Variants in DAB2IP observed in about 807,000 individuals in gnomAD.
DAB2IP encodes the protein disabled homolog 2-interacting protein.
A neutral mutation model predicts 107.2 loss-of-function variants in DAB2IP; 28 were observed. That is an observed-to-expected ratio of 0.26 (90% CI 0.19 to 0.36). The LOEUF is 0.36. DAB2IP is among the 10% of genes least tolerant of loss of function. DAB2IP has a pLI of 1.00. For missense variants in DAB2IP, 1,400 were observed against 1,644.7 expected, an observed-to-expected ratio of 0.85 and a Z score of 2.57; for synonymous variants, 755 against 706.4, an observed-to-expected ratio of 1.07 and a Z score of -1.09.
At position 121,699,335 on chromosome 9, in the gene DAB2IP, G is replaced by C; in HGVS notation, c.239G>C (p.Ser80Thr). Residue 80 changes from serine to threonine, a missense_variant, in exon 3 of 16, where the codon AGC becomes ACC. This residue lies in a region of DAB2IP where 283 missense variants were observed against 237.0 expected (regional missense o/e 1.19). Transcript: ENST00000408936. This position sits in a 1 kb window ranked among gnomAD's most constrained non-coding sequence, Gnocchi z 6.2. ...TCCCCCCGTGCGCAGGGCTTCCTCA[G>C]CCGCCGCCTCAAGGGCTCCATCAAG... The C allele has an allele frequency of 6.9e-7, 1 of 1,445,314 alleles. No homozygotes were observed. Among genetic ancestry groups the C allele is most frequent in the Non-Finnish European group, 9.2e-7 (1 of 1,085,002 alleles). 89.5% of individuals were successfully genotyped at this position (1,445,314 alleles called of 1,614,324 possible). A position where few individuals can be genotyped will look rare whatever the true frequency, so the allele number is the denominator to read the frequency against.
At chr9:121,593,298 C>T (rs994609364) in intron 1 of DAB2IP, among the ~76,000 whole-genome samples, 7 of 152,140 alleles carry the variant, frequency 4.6e-5, no homozygotes, top group African/African-American at 1.7e-4. Flanking sequence ...GACGGAGTCT[C>T]ACTTTGTTGT....
intron 3 of DAB2IP, among the ~76,000 whole-genome samples, chr9:121,739,833 C>T (rs1444981747): frequency 1.3e-5 from 2 of 152,078 alleles, no homozygotes; most frequent in Non-Finnish European, 1.5e-5. Flanking sequence ...AAAGAATCAC[C>T]AAAGGAAAGT....
rs1834637763 is a variant in DAB2IP, at chr9:121,770,499, C to T, written c.1900-47C>T. On this transcript the variant is annotated intron_variant, in intron 10 of 15. Transcript: ENST00000408936. Reference sequence around the variant, plus strand: ...GTGGCTGCAGCACATACAGCCTACCCATGTGGTCCCAGGAGGTCACACCTG... The same window carrying T: ...GTGGCTGCAGCACATACAGCCTACCTATGTGGTCCCAGGAGGTCACACCTG... The T allele has an allele frequency of 2.5e-6, 4 of 1,588,788 alleles. No individual in the cohort carries two copies. In the African/African-American group the frequency reaches 5.4e-5, roughly 21 times the overall value.
chr9:121,612,044 T>C (rs1831113937), intron 1 of DAB2IP, among the ~76,000 whole-genome samples: 1 of 152,166 alleles, frequency 6.6e-6, no homozygotes, highest in Non-Finnish European at 1.5e-5. Flanking sequence ...CCTCTGGCCA[T>C]ACCCCTTTCC....
chr9:121,727,259 G>A (rs868282354), intron 3 of DAB2IP, among the ~76,000 whole-genome samples: 5 of 152,236 alleles, frequency 3.3e-5, no homozygotes, highest in Non-Finnish European at 5.9e-5. Context: ...TGCACTGCCC[G>A]CGGTGAAGCT....
intron 1 of DAB2IP, among the ~76,000 whole-genome samples, chr9:121,590,994 G>A (rs976271770): frequency 6.6e-6 from 1 of 152,246 alleles, no homozygotes; most frequent in Admixed American, 6.5e-5. Flanking sequence ...AGCCTTCCCT[G>A]AGGAAATGAC....
At chr9:121,592,308 G>T (rs1830434607) in intron 1 of DAB2IP, among the ~76,000 whole-genome samples, 1 of 151,978 alleles carries the variant, frequency 6.6e-6, no homozygotes, top group Admixed American at 6.6e-5. Flanking sequence ...GGAGGCTGCA[G>T]TGAGCCAAGA....
At chr9:121,579,909 C>T (rs1347053795) in intron 1 of DAB2IP, among the ~76,000 whole-genome samples, 5 of 152,230 alleles carry the variant, frequency 3.3e-5, no homozygotes, top group Non-Finnish European at 7.3e-5. Flanking sequence ...CTTGGCCTCA[C>T]CTTGCCCACT....
chr9:121,601,886 T>TTGTG (rs141368984), intron 1 of DAB2IP, among the ~76,000 whole-genome samples: 3 of 151,162 alleles, frequency 2.0e-5, no homozygotes, highest in African/African-American at 7.3e-5. Context: ...ATACATGCCT[T>TTGTG]TGTGTGTGTG....
intron 9 of DAB2IP, among the ~76,000 whole-genome samples, chr9:121,767,951 T>C (rs576125030): frequency 6.6e-6 from 1 of 152,174 alleles, no homozygotes; most frequent in African/African-American, 2.4e-5. Flanking sequence ...TCTGTATGGG[T>C]AGTGGGGTCT....
chr9:121,711,188 T>A (rs1450950540), intron 3 of DAB2IP, among the ~76,000 whole-genome samples: 2 of 152,178 alleles, frequency 1.3e-5, no homozygotes, highest in Non-Finnish European at 2.9e-5. Flanking sequence ...AGGAGTGTTT[T>A]CCCGAACTGG....
rs2118723689 is a variant in DAB2IP, at chr9:121,698,765, G to A, written c.229-560G>A. ...CGGCGCCTCAGCCGACCACGCGCCCGCTCTCATCGGTACCACCGAGGGCTG... is the reference window on the plus strand; with the variant it reads ...CGGCGCCTCAGCCGACCACGCGCCCACTCTCATCGGTACCACCGAGGGCTG... On this transcript the variant is annotated intron_variant, in intron 2 of 15. Transcript: ENST00000408936. The surrounding 1 kb of genome is among the most constrained non-coding windows in gnomAD (Gnocchi z 4.1). Among the ~76,000 whole-genome samples, 1 of 152,314 alleles carries A rather than the reference G, an allele frequency of 6.6e-6. No homozygotes were observed. The highest frequency in any genetic ancestry group is 1.5e-5 in the Non-Finnish European group (1 of 68,030).
chr9:121,572,857 G>T (rs980465627), intron 1 of DAB2IP, among the ~76,000 whole-genome samples: 1 of 152,118 alleles, frequency 6.6e-6, no homozygotes, highest in African/African-American at 2.4e-5. Context: ...TATCATGGAG[G>T]TGGAGCAGGC....
At chr9:121,657,722 C>A (rs1325562540) in intron 1 of DAB2IP, among the ~76,000 whole-genome samples, 1 of 152,190 alleles carries the variant, frequency 6.6e-6, no homozygotes, top group Non-Finnish European at 1.5e-5. Flanking sequence ...AGGGCATGCT[C>A]CTCATCTCAG....
At chr9:121,696,149 G>A (rs1221859364) in intron 2 of DAB2IP, among the ~76,000 whole-genome samples, 4 of 152,168 alleles carry the variant, frequency 2.6e-5, no homozygotes, top group South Asian at 2.1e-4. Flanking sequence ...GATTACAGGC[G>A]TGAGCCACCA....
At position 121,698,115 on chromosome 9, in the gene DAB2IP, T is replaced by A. The variant is rs1829518177; in HGVS notation, c.229-1210T>A. ...CAGAGAGGGCTGCCAAACTGACCCT[T>A]TATTTTGTGATGGATGGAATGTGGT... On this transcript the variant is annotated intron_variant, in intron 2 of 15. Coordinates refer to ENST00000408936, the Ensembl canonical transcript of DAB2IP. The surrounding 1 kb of genome is among the most constrained non-coding windows in gnomAD (Gnocchi z 4.1). Among the ~76,000 whole-genome samples the A allele has an allele frequency of 6.6e-6, 1 of 152,182 alleles. No homozygotes were observed.
intron 3 of DAB2IP, among the ~76,000 whole-genome samples, chr9:121,744,275 G>A (rs150952959): frequency 5.3e-5 from 8 of 152,194 alleles, no homozygotes; most frequent in Middle Eastern, 3.2e-3. Flanking sequence ...TGGGGTGGAG[G>A]CGGGTGGGAG....
At chr9:121,688,687 A>G (rs1019193860) in intron 2 of DAB2IP, among the ~76,000 whole-genome samples, 14 of 152,198 alleles carry the variant, frequency 9.2e-5, no homozygotes, top group Admixed American at 7.2e-4. Flanking sequence ...TCACCTTCTC[A>G]AGGACAGGGA....
intron 1 of DAB2IP, among the ~76,000 whole-genome samples, chr9:121,655,072 G>C (rs1176490616): frequency 6.6e-6 from 1 of 152,156 alleles, no homozygotes; most frequent in African/African-American, 2.4e-5. Context: ...CTGGGCTTCA[G>C]TTTCCCCATC....
Sources: allele counts gnomAD v4.1 joint callset (sites outside exome capture counted in the v4.1 genomes callset), GRCh38; gene constraint gnomAD v4.1.1; regional missense constraint gnomAD v4.1.1; non-coding constraint Gnocchi (gnomAD v3.1); transcripts MANE v1.5; gene names NCBI Gene and HGNC (gene_info 2026-07-23, HGNC 2026-07-21).